Variants in FBXL13 observed in about 807,000 individuals in gnomAD.
FBXL13 encodes the protein F-box and leucine rich repeat protein 13, also known as F-box and leucine-rich repeat protein 13.
FBXL13 carries 67 observed loss-of-function variants against 83.6 expected under a neutral mutation model. The ratio of observed to expected loss-of-function variants is 0.80; its 90% CI spans 0.66 to 0.98. FBXL13 has a LOEUF of 0.98. FBXL13 is among the 50% of genes least tolerant of loss of function. FBXL13 has a pLI of 0.00. For missense variants in FBXL13, 822 were observed against 866.5 expected (o/e 0.95, Z 0.64); for synonymous variants, 272 against 299.5 (o/e 0.91, Z 0.95).
rs544685187 is a variant in FBXL13 at position 102,874,419 on chromosome 7, A to AT, written c.1635+3047dup. ...GGAGGAAGAAAACAACAGAAGACTT[A>AT]TTTTTTTCAATCTTTTAGCAGAAAA... On this transcript the variant is annotated intron_variant, in intron 16 of 19. Coordinates refer to ENST00000313221, the Ensembl canonical transcript of FBXL13. 5 of 946,520 alleles carry AT rather than the reference A, an allele frequency of 5.3e-6. No individual in the cohort carries two copies. In the African/African-American group the frequency reaches 5.3e-5, roughly 10 times the overall value. The allele number at this position is 946,520 out of a possible 1,614,324, so 58.6% of individuals were successfully genotyped here.
chr7:103,025,065 G>C, exon 6 of FBXL13: 2 of 1,607,440 alleles, frequency 1.2e-6, no homozygotes, highest in Non-Finnish European at 1.7e-6. Context: ...ATACAAACCT[G>C]TAATATTGCT....
Position 102,833,093 on chromosome 7 carries a change from GC to G in FBXL13, c.1720-120del, listed in dbSNP as rs1354458581. ...TGAAATACAGATGTTAGATCTTGAT[GC>G]CCCCAAAAAATAATTTAAAAAACCC... is the stretch of plus-strand genomic sequence containing the variant. On this transcript the variant is annotated intron_variant, in intron 17 of 19. Coordinates refer to ENST00000313221, the Ensembl canonical transcript of FBXL13. The G allele has an allele frequency of 6.9e-5, 71 of 1,030,302 alleles. No homozygotes were observed. The East Asian group carries it at 1.8e-3, about 26-fold the overall frequency. 63.8% of individuals were successfully genotyped at this position (1,030,302 alleles called of 1,614,324 possible).
At chr7:103,037,852 C>A (rs558239076) in intron 2 of FBXL13, among the ~76,000 whole-genome samples, 2 of 151,924 alleles carry the variant, frequency 1.3e-5, no homozygotes, top group African/African-American at 4.8e-5. Context: ...CGAATAGAAA[C>A]AGCTCCGGTC....
At chr7:103,062,025 C>CAAAA (rs59881447) in intron 1 of FBXL13, among the ~76,000 whole-genome samples, 11 of 99,786 alleles carry the variant, frequency 1.1e-4, no homozygotes, top group African/African-American at 3.5e-4. Flanking sequence ...TCATAATTAC[C>CAAAA]AAAAAAAAAA....
chr7:103,003,896 A>T (rs975147693), intron 6 of FBXL13, among the ~76,000 whole-genome samples: 3 of 152,160 alleles, frequency 2.0e-5, no homozygotes, highest in African/African-American at 7.2e-5. Context: ...GAGTTTTTAA[A>T]ACACTAAAAA....
intron 6 of FBXL13, among the ~76,000 whole-genome samples, chr7:103,019,064 T>C (rs1192994191): frequency 6.6e-6 from 1 of 152,192 alleles, no homozygotes; most frequent in Admixed American, 6.5e-5. Flanking sequence ...ATTGATCACA[T>C]AGTTGGAAGT....
intron 11 of FBXL13, among the ~76,000 whole-genome samples, chr7:102,888,958 T>C (rs541735344): frequency 6.6e-6 from 1 of 152,318 alleles, no homozygotes; most frequent in Non-Finnish European, 1.5e-5. Flanking sequence ...AAAATGAGCA[T>C]AATAATACCC....
chr7:102,994,862 A>C (rs1829935384), intron 6 of FBXL13, among the ~76,000 whole-genome samples: 1 of 152,130 alleles, frequency 6.6e-6, no homozygotes, highest in South Asian at 2.1e-4. Context: ...AGTTAAGCAG[A>C]TGTGTAGGTT....
intron 6 of FBXL13, among the ~76,000 whole-genome samples, chr7:102,992,632 T>TCTCA (rs1395056310): frequency 1.3e-5 from 2 of 152,094 alleles, no homozygotes; most frequent in Non-Finnish European, 2.9e-5. Context: ...GGGGATGGGG[T>TCTCA]CTCACTCTGT....
chr7:103,048,578 T>C (rs1353449811), intron 2 of FBXL13, among the ~76,000 whole-genome samples: 1 of 152,206 alleles, frequency 6.6e-6, no homozygotes, highest in East Asian at 1.9e-4. Flanking sequence ...TATCTAATCT[T>C]AATCAGTTTG....
intron 11 of FBXL13, among the ~76,000 whole-genome samples, chr7:102,895,862 A>G (rs902753148): frequency 6.6e-6 from 1 of 152,228 alleles, no homozygotes; most frequent in African/African-American, 2.4e-5. Context: ...AAACACGGAC[A>G]TATTTTAGAG....
chr7:102,939,752 GATAA>G (rs1821037091), intron 8 of FBXL13, among the ~76,000 whole-genome samples: 1 of 152,182 alleles, frequency 6.6e-6, no homozygotes, highest in Non-Finnish European at 1.5e-5. Flanking sequence ...TTGCCACTCA[GATAA>G]ATACTTGCCA....
chr7:102,862,698 A>G (rs1297842789), intron 16 of FBXL13, among the ~76,000 whole-genome samples: 1 of 152,224 alleles, frequency 6.6e-6, no homozygotes, highest in African/African-American at 2.4e-5. Context: ...AAATTGATGG[A>G]TACTGCTCTA....
chr7:103,019,881 A>G (rs1018488420), intron 6 of FBXL13, among the ~76,000 whole-genome samples: 1 of 152,224 alleles, frequency 6.6e-6, no homozygotes, highest in Non-Finnish European at 1.5e-5. Context: ...TCACAGCCGA[A>G]TTCTACCAGA....
intron 6 of FBXL13, among the ~76,000 whole-genome samples, chr7:103,016,611 C>T (rs888297180): frequency 3.9e-5 from 6 of 152,152 alleles, no homozygotes; most frequent in East Asian, 1.9e-4. Flanking sequence ...CCTGGAAAAT[C>T]GGGTCACTCC....
intron 6 of FBXL13, among the ~76,000 whole-genome samples, chr7:102,976,686 T>C (rs1436466016): frequency 2.0e-5 from 3 of 152,098 alleles, no homozygotes; most frequent in Non-Finnish European, 2.9e-5. Context: ...ACCCAGTTCC[T>C]ATCACAGAAG....
At chr7:103,045,699 T>C (rs903280193) in intron 2 of FBXL13, among the ~76,000 whole-genome samples, 1 of 152,230 alleles carries the variant, frequency 6.6e-6, no homozygotes. Flanking sequence ...CCATTTTAGT[T>C]TGGTTTGGCC....
rs1554454402 is a variant in FBXL13 at position 102,915,123 on chromosome 7, T to TTATC, written c.879-1909_879-1908insGATA. ...CATTTGTTAAGTGGAGATTAAAATA[T>TTATC]TTTTTTTTTTTTTTTTTTTACACTG... On this transcript the variant is annotated intron_variant, in intron 10 of 19. Coordinates refer to ENST00000313221, the Ensembl canonical transcript of FBXL13. Among the ~76,000 whole-genome samples, 437 of 75,840 alleles carry TTATC rather than the reference T, an allele frequency of 5.8e-3. 3 individuals are homozygous for TTATC. The highest frequency in any genetic ancestry group is 0.025 in the African/African-American group (430 of 17,016). The allele number at this position is 75,840 out of a possible 152,430, so 49.8% of individuals were successfully genotyped here. A position where few individuals can be genotyped will look rare whatever the true frequency, so the allele number is the denominator to read the frequency against.
At chr7:102,995,515 A>G (rs1348253715) in intron 6 of FBXL13, among the ~76,000 whole-genome samples, 2 of 145,526 alleles carry the variant, frequency 1.4e-5, no homozygotes, top group Admixed American at 6.9e-5. Context: ...TAGGCCGGGC[A>G]CAGTGGCTCA....
Sources: allele counts gnomAD v4.1 joint callset (sites outside exome capture counted in the v4.1 genomes callset), GRCh38; gene constraint gnomAD v4.1.1; transcripts MANE v1.5; gene names NCBI Gene and HGNC (gene_info 2026-07-23, HGNC 2026-07-21).